The following MAP3K5 variants were observed in gnomAD, a reference collection of about 807,000 sequenced individuals.
MAP3K5 encodes ASK-1.
A neutral mutation model predicts 158.7 loss-of-function variants in MAP3K5; 56 were observed. The observed-to-expected ratio is 0.35, with a 90% CI of 0.28 to 0.44. The LOEUF (loss-of-function observed/expected upper bound fraction) is 0.44, where lower values mean the gene tolerates loss of function less well. MAP3K5 is among the 20% of genes least tolerant of loss of function. MAP3K5 has a pLI of 1.00. For missense variants in MAP3K5, 1,294 were observed against 1,674.8 expected (o/e 0.77, Z 3.97); for synonymous variants, 579 against 601.7 (o/e 0.96, Z 0.55).
At chr6:136,720,624 C>T in intron 1 of MAP3K5, 35 bp from the exon 2 acceptor site, 2 of 1,572,050 alleles carry the variant, frequency 1.3e-6, no homozygotes, top group South Asian at 2.3e-5. Context: ...CAAAGAATGA[C>T]ACCCAAATAA....
At chr6:136,572,984 A>G (rs183667708) in intron 25 of MAP3K5, among the ~76,000 whole-genome samples, 33 of 152,376 alleles carry the variant, frequency 2.2e-4, no homozygotes, top group Non-Finnish European at 4.0e-4. Flanking sequence ...GTATAGACCT[A>G]GTTATATATA....
intron 21 of MAP3K5, among the ~76,000 whole-genome samples, chr6:136,594,933 T>C (rs1775557268): frequency 6.6e-6 from 1 of 152,208 alleles, no homozygotes; most frequent in South Asian, 2.1e-4. Context: ...AGAGGACTTG[T>C]GTCACGCCTG....
At chr6:136,561,719 A>G in intron 27 of MAP3K5, 74 bp from the exon 28 acceptor site, 2 of 793,238 alleles carry the variant, frequency 2.5e-6, no homozygotes, top group Non-Finnish European at 4.4e-6. Flanking sequence ...CAATCAACAG[A>G]CATTTATTGA....
intron 1 of MAP3K5, among the ~76,000 whole-genome samples, chr6:136,748,276 A>G (rs149550284): frequency 6.6e-6 from 1 of 152,312 alleles, no homozygotes; most frequent in East Asian, 1.9e-4. Context: ...AAAAATGTCA[A>G]TATTTATCAC....
At chr6:136,675,585 A>C (rs1438695048) in intron 7 of MAP3K5, among the ~76,000 whole-genome samples, 2 of 152,144 alleles carry the variant, frequency 1.3e-5, no homozygotes, top group Non-Finnish European at 2.9e-5. Context: ...CAATATATAT[A>C]TGTTGTTATA....
intron 11 of MAP3K5, chr6:136,647,785 C>T (rs1424406672): frequency 6.6e-6 from 1 of 152,282 alleles, no homozygotes; most frequent in Non-Finnish European, 1.5e-5. Flanking sequence ...TACCCACAGC[C>T]AAAGTCCAGG....
At chr6:136,641,931 T>C (rs1777962212) in intron 12 of MAP3K5, among the ~76,000 whole-genome samples, 1 of 150,576 alleles carries the variant, frequency 6.6e-6, no homozygotes, top group South Asian at 2.1e-4. Context: ...GAGGTTGCAG[T>C]GAACTGAGAT....
chr6:136,689,846 GAACTA>G (rs902884406), intron 7 of MAP3K5, among the ~76,000 whole-genome samples: 1 of 151,850 alleles, frequency 6.6e-6, no homozygotes, highest in African/African-American at 2.4e-5. Context: ...GCACATAAAA[GAACTA>G]AACAGTCCCT....
At chr6:136,560,180 C>T (rs1335407293) in intron 28 of MAP3K5, among the ~76,000 whole-genome samples, 1 of 152,142 alleles carries the variant, frequency 6.6e-6, no homozygotes, top group African/African-American at 2.4e-5. Context: ...TATTCACGCT[C>T]ATTACAAAAG....
chr6:136,712,366 G>GT (rs113493097), intron 2 of MAP3K5, among the ~76,000 whole-genome samples: 2,943 of 151,694 alleles, frequency 0.019, 96 homozygotes, highest in African/African-American at 0.068. Context: ...TAGAAACTGG[G>GT]TCTCACTATG....
At chr6:136,723,374 A>G (rs1005123904) in intron 1 of MAP3K5, among the ~76,000 whole-genome samples, 1 of 152,134 alleles carries the variant, frequency 6.6e-6, no homozygotes, top group African/African-American at 2.4e-5. Context: ...ATATACATTA[A>G]AAATATAATG....
chr6:136,761,848 G>A (rs895233795), intron 1 of MAP3K5, among the ~76,000 whole-genome samples: 4 of 152,186 alleles, frequency 2.6e-5, no homozygotes, highest in African/African-American at 9.7e-5. Flanking sequence ...ACAGAGAAGC[G>A]ATGGAGAAGG....
chr6:136,776,664 C>T (rs1238036561), intron 1 of MAP3K5, among the ~76,000 whole-genome samples: 1 of 152,236 alleles, frequency 6.6e-6, no homozygotes, highest in Non-Finnish European at 1.5e-5. Context: ...AAACCTCCAA[C>T]ACCGACAAAT....
intron 1 of MAP3K5, among the ~76,000 whole-genome samples, chr6:136,726,847 A>G (rs1405578296): frequency 6.6e-6 from 1 of 152,192 alleles, no homozygotes; most frequent in African/African-American, 2.4e-5. Flanking sequence ...GAACTCAGTT[A>G]TAACTTCTAG....
chr6:136,558,666 C>T (rs778868059), intron 29 of MAP3K5, 134 bp downstream of exon 29: 3 of 545,020 alleles, frequency 5.5e-6, no homozygotes, highest in Non-Finnish European at 9.8e-6. Context: ...TCAGTTTACT[C>T]AGAGCAGCTA....
chr6:136,656,735 C>T (rs1377686304), intron 9 of MAP3K5, among the ~76,000 whole-genome samples: 1 of 152,088 alleles, frequency 6.6e-6, no homozygotes, highest in East Asian at 1.9e-4. Context: ...TGCCATTCTG[C>T]CTCAGCCTCC....
intron 23 of MAP3K5, among the ~76,000 whole-genome samples, chr6:136,590,976 G>A (rs1204973214): frequency 1.3e-5 from 2 of 152,212 alleles, no homozygotes; most frequent in African/African-American, 2.4e-5. Flanking sequence ...GGACCAAGTG[G>A]GAGGTAACTG....
chr6:136,771,983 A>G (rs567303450), intron 1 of MAP3K5, among the ~76,000 whole-genome samples: 2 of 151,464 alleles, frequency 1.3e-5, no homozygotes, highest in South Asian at 4.2e-4. Context: ...GCAGTGGCTC[A>G]CTGCAACCTC....
chr6:136,737,033 G>GTATATATATATATATATATATATATATA (rs796790486), intron 1 of MAP3K5, among the ~76,000 whole-genome samples: 7 of 112,008 alleles, frequency 6.2e-5, no homozygotes, highest in South Asian at 2.5e-4. Flanking sequence ...ATATATATGT[G>GTATATATATATATATATATATATATATA]TGTGTATATA....
Sources: gnomAD v4.1 joint callset for allele counts (sites outside exome capture counted in the v4.1 genomes callset) on GRCh38, gnomAD v4.1.1 for gene constraint, MANE v1.5 for transcripts, NCBI Gene and HGNC (gene_info 2026-07-23, HGNC 2026-07-21) for gene names.